EXOC4: variants seen among roughly 807,000 people sequenced by gnomAD.
The protein encoded by EXOC4 is SEC8-like 1.
A neutral mutation model predicts 107.2 loss-of-function variants in EXOC4; 71 were observed. The ratio of observed to expected loss-of-function variants is 0.66; its 90% CI spans 0.55 to 0.81. EXOC4 has a LOEUF of 0.81. Among genes scored for constraint, EXOC4 ranks in the 30% least tolerant of loss-of-function variants. The pLI is 0.00. For synonymous variants in EXOC4, 456 were observed against 441.2 expected, an observed-to-expected ratio of 1.03 and a Z score of -0.42; for missense variants, 1,108 against 1,189.6, an observed-to-expected ratio of 0.93 and a Z score of 1.01.
chr7:133,993,905 C>T lies in EXOC4; in HGVS notation c.2207-3587C>T, dbSNP rs377146722. Among the ~76,000 whole-genome samples the T allele has an allele frequency of 1.6e-4, 25 of 152,334 alleles. No individual in the cohort carries two copies. In the South Asian group the frequency reaches 3.1e-3, roughly 19 times the overall value. On this transcript the variant is annotated intron_variant, in intron 14 of 17. Transcript: ENST00000253861. ...GGGTCAGTGGACAGACTATGACACA[C>T]GACCACCTCTAGCAACAAATAGGGC...
intron 14 of EXOC4, among the ~76,000 whole-genome samples, chr7:133,986,783 C>T (rs1794125085): frequency 6.6e-6 from 1 of 152,156 alleles, no homozygotes; most frequent in South Asian, 2.1e-4. Flanking sequence ...GACAGTAGTA[C>T]AGAGAAATTA....
intron 10 of EXOC4, among the ~76,000 whole-genome samples, chr7:133,712,992 T>TC (rs1390073649): frequency 2.0e-5 from 3 of 152,234 alleles, no homozygotes; most frequent in Admixed American, 2.0e-4. Context: ...GGATAAGGGC[T>TC]CTTACTTTGG....
chr7:133,778,452 C>T (rs187169760), intron 10 of EXOC4, among the ~76,000 whole-genome samples: 11 of 152,218 alleles, frequency 7.2e-5, no homozygotes, highest in African/African-American at 2.4e-5. Flanking sequence ...CTGGGCTTGG[C>T]GTGTGCCTGC....
intron 11 of EXOC4, among the ~76,000 whole-genome samples, chr7:133,857,273 ACACG>A (rs1186269225): frequency 7.3e-5 from 2 of 27,564 alleles, no homozygotes; most frequent in African/African-American, 2.7e-4. Context: ...ATATATATAT[ACACG>A]TATATATATA....
intron 14 of EXOC4, among the ~76,000 whole-genome samples, chr7:133,978,892 G>T (rs1277529909): frequency 6.6e-6 from 1 of 152,192 alleles, no homozygotes; most frequent in African/African-American, 2.4e-5. Context: ...GCAAGAAGTT[G>T]TAGATGTTCC....
At chr7:133,309,819 A>T (rs1284867021) in intron 4 of EXOC4, among the ~76,000 whole-genome samples, 1 of 152,174 alleles carries the variant, frequency 6.6e-6, no homozygotes, top group Non-Finnish European at 1.5e-5. Flanking sequence ...ACGTGCCTGT[A>T]GTCCCAGCTA....
At chr7:133,440,169 A>G (rs1056179268) in intron 7 of EXOC4, among the ~76,000 whole-genome samples, 3 of 152,070 alleles carry the variant, frequency 2.0e-5, no homozygotes, top group Non-Finnish European at 4.4e-5. Context: ...ACTCTTCAGG[A>G]AGTTGTCATA....
intron 7 of EXOC4, among the ~76,000 whole-genome samples, chr7:133,433,065 G>T (rs1797891029): frequency 6.6e-6 from 1 of 152,116 alleles, no homozygotes; most frequent in Admixed American, 6.5e-5. Flanking sequence ...ATTTTCGAAT[G>T]GTAGTAGTAT....
chr7:133,684,483 T>G (rs1421210703), intron 10 of EXOC4, among the ~76,000 whole-genome samples: 1 of 152,138 alleles, frequency 6.6e-6, no homozygotes, highest in African/African-American at 2.4e-5. Context: ...CCATGATATC[T>G]GATAGATTTG....
intron 14 of EXOC4, among the ~76,000 whole-genome samples, chr7:133,948,769 G>A (rs760140850): frequency 3.9e-5 from 6 of 152,152 alleles, no homozygotes; most frequent in Non-Finnish European, 5.9e-5. Flanking sequence ...GCATGAGCAT[G>A]AAATGCAAAA....
rs541916758 is a variant in EXOC4, at chr7:134,044,158, C to A, written c.2688-20133C>A. On this transcript the variant is annotated intron_variant, in intron 17 of 17. Coordinates refer to ENST00000253861, the MANE Select transcript of EXOC4 (RefSeq NM_021807.4). Reference sequence around the variant, plus strand: ...CTGTGTAGAGTTTGCTCAAAAGAGTCCTTGTCACCACCTTCCTCCCATTTT... The same window carrying A: ...CTGTGTAGAGTTTGCTCAAAAGAGTACTTGTCACCACCTTCCTCCCATTTT... 2.0e-5 allele frequency among the ~76,000 whole-genome samples: 3 copies of A among 152,170 alleles called. No homozygotes were observed. In the South Asian group the frequency reaches 6.2e-4, roughly 32 times the overall value.
At chr7:134,067,634 TATATACACACACACACACACACAC>T (rs1263665956), downstream of EXOC4, among the ~76,000 whole-genome samples, 1 of 133,758 alleles carries the variant, frequency 7.5e-6, no homozygotes, top group Admixed American at 7.7e-5. Flanking sequence ...CTTATATATA[TATATACACACACACACACACACAC>T]ACACACACAC....
chr7:133,305,794 C>G, intron 3 of EXOC4, 83 bp from the exon 4 acceptor site: 1 of 1,238,804 alleles, frequency 8.1e-7, no homozygotes, highest in Non-Finnish European at 1.1e-6. Flanking sequence ...TTGTTAGTAT[C>G]TTTTTAAGAC....
At chr7:133,253,578 T>TG in intron 1 of EXOC4, 1 of 957,380 alleles carries the variant, frequency 1.0e-6, no homozygotes, top group South Asian at 4.6e-5. Flanking sequence ...TCCTGGACTT[T>TG]GGGGTGTAAG....
downstream of EXOC4, among the ~76,000 whole-genome samples, chr7:134,068,163 G>A (rs1434233180): frequency 6.6e-6 from 1 of 152,164 alleles, no homozygotes; most frequent in African/African-American, 2.4e-5. Flanking sequence ...TGGAAACCTT[G>A]TGAAAAGCCT....
chr7:133,719,449 C>G (rs997934440), intron 10 of EXOC4, among the ~76,000 whole-genome samples: 5 of 151,606 alleles, frequency 3.3e-5, no homozygotes, highest in African/African-American at 1.2e-4. Flanking sequence ...AGCAGGAAGA[C>G]CTTTTAGGCT....
intron 9 of EXOC4, among the ~76,000 whole-genome samples, chr7:133,488,526 C>A (rs187260348): frequency 6.6e-6 from 1 of 151,928 alleles, no homozygotes; most frequent in Non-Finnish European, 1.5e-5. Flanking sequence ...AATGACTTTA[C>A]AAAGTTTAGG....
intron 10 of EXOC4, among the ~76,000 whole-genome samples, chr7:133,631,385 A>C (rs1405763741): frequency 6.6e-6 from 1 of 152,100 alleles, no homozygotes; most frequent in Non-Finnish European, 1.5e-5. Context: ...TCATTAACCG[A>C]GACTTACTAA....
the EXOC4 span, among the ~76,000 whole-genome samples, chr7:134,085,503 T>C: frequency 6.6e-6 from 1 of 152,148 alleles, no homozygotes; most frequent in Admixed American, 6.6e-5. Flanking sequence ...TCTGCAGAAA[T>C]CTTGAAAACA....
Sources: gnomAD v4.1 joint callset for allele counts (sites outside exome capture counted in the v4.1 genomes callset) on GRCh38, gnomAD v4.1.1 for gene constraint, MANE v1.5 for transcripts, NCBI Gene and HGNC (gene_info 2026-07-23, HGNC 2026-07-21) for gene names.